Variants in DLGAP2 observed in about 807,000 individuals in gnomAD.
DLGAP2 encodes DLG associated protein 2, also known as disks large-associated protein 2.
DLGAP2 carries 26 observed loss-of-function variants against 100.3 expected under a neutral mutation model. The observed-to-expected ratio is 0.26, with a 90% CI of 0.19 to 0.36. The LOEUF is 0.36. Among genes scored for constraint, DLGAP2 ranks in the 10% least tolerant of loss-of-function variants. The pLI is 1.00. For synonymous variants in DLGAP2, 886 were observed against 630.1 expected (o/e 1.41, Z -6.08); for missense variants, 1,858 against 1,453.2 (o/e 1.28, Z -4.53).
At chr8:1,690,051 C>G (rs114170867) in intron 12 of DLGAP2, among the ~76,000 whole-genome samples, 2 of 152,180 alleles carry the variant, frequency 1.3e-5, no homozygotes, top group Non-Finnish European at 2.9e-5. Flanking sequence ...ACCATGCTGA[C>G]AGCAGACTCA....
At chr8:1,305,667 C>T (rs916920977) in intron 3 of DLGAP2, among the ~76,000 whole-genome samples, 1 of 152,196 alleles carries the variant, frequency 6.6e-6, no homozygotes, top group Non-Finnish European at 1.5e-5. Context: ...ATAAACACTG[C>T]AGGCCTCCAT....
rs770226269 is a variant in DLGAP2, at chr8:1,364,502, C to CA, written c.106+105619_106+105620insA. 3.0e-3 allele frequency among the ~76,000 whole-genome samples: 420 copies of CA among 141,612 alleles called. 4 individuals are homozygous for CA. The highest frequency in any genetic ancestry group is 0.011 in the African/African-American group (399 of 37,292). 92.9% of individuals were successfully genotyped at this position (141,612 alleles called of 152,430 possible). On this transcript the variant is annotated intron_variant, in intron 3 of 14. Coordinates refer to ENST00000637795, the MANE Select transcript of DLGAP2 (RefSeq NM_001346810.2). Reference sequence around the variant, plus strand: ...AGGCGGGCGCCGGTCATGGGAAGGGCGGGGGGGGTGCAGCGAAGCAGACAC... The same window carrying CA: ...AGGCGGGCGCCGGTCATGGGAAGGGCAGGGGGGGGTGCAGCGAAGCAGACAC...
At chr8:1,322,787 G>A (rs1227495122) in intron 3 of DLGAP2, among the ~76,000 whole-genome samples, 3 of 152,130 alleles carry the variant, frequency 2.0e-5, no homozygotes, top group Non-Finnish European at 4.4e-5. Flanking sequence ...CCTGCATCAG[G>A]GCCTTCTCTG....
Position 1,101,040 on chromosome 8 carries a change from G to A in DLGAP2, c.74-157811G>A, listed in dbSNP as rs546969341. On this transcript the variant is annotated intron_variant, in intron 2 of 14. Coordinates refer to ENST00000637795, the MANE Select transcript of DLGAP2 (RefSeq NM_001346810.2). ...GCTGGTCCCACGTGGGGTTTCTTCT[G>A]GGGTTCCTGGCGTTCACAAGCCCAC... is the stretch of plus-strand genomic sequence containing the variant. Among the ~76,000 whole-genome samples the A allele has an allele frequency of 6.6e-5, 10 of 152,314 alleles. No individual in the cohort carries two copies. The East Asian group carries it at 1.9e-3, about 29-fold the overall frequency.
intron 3 of DLGAP2, among the ~76,000 whole-genome samples, chr8:1,414,859 A>C (rs1216677472): frequency 6.6e-6 from 1 of 152,112 alleles, no homozygotes; most frequent in Admixed American, 6.5e-5. Flanking sequence ...AAGTACAAAA[A>C]TTAGCCAGGC....
intron 14 of DLGAP2, among the ~76,000 whole-genome samples, chr8:1,699,880 T>C (rs1799519124): frequency 6.6e-6 from 1 of 152,312 alleles, no homozygotes; most frequent in South Asian, 2.1e-4. Context: ...TCTCACAGGC[T>C]CACAGTTCAG....
In DLGAP2 at chr8:1,314,300, T is replaced by C. The variant is rs183979968; in HGVS notation, c.106+55417T>C. 2.2e-4 allele frequency among the ~76,000 whole-genome samples: 33 copies of C among 152,340 alleles called. 1 individual carries two copies. In the East Asian group the frequency reaches 6.2e-3, roughly 28 times the overall value. The stretch of plus-strand genomic sequence containing the variant: ...TGACCCTTATAAAGTAGAGGTTTTC[T>C]TTGCACCTGGAATTCCAACTTCACA... On this transcript the variant is annotated intron_variant, in intron 3 of 14. Coordinates refer to ENST00000637795, the MANE Select transcript of DLGAP2 (RefSeq NM_001346810.2).
chr8:981,554 G>T (rs7003366), intron 2 of DLGAP2, among the ~76,000 whole-genome samples: 1 of 152,044 alleles, frequency 6.6e-6, no homozygotes, highest in Non-Finnish European at 1.5e-5. Context: ...AGCGTACGAG[G>T]GTTCCAGTTT....
chr8:1,239,603 T>C (rs1162981679), intron 2 of DLGAP2, among the ~76,000 whole-genome samples: 13 of 76,960 alleles, frequency 1.7e-4, no homozygotes, highest in Non-Finnish European at 2.6e-4. Context: ...TATCACATGG[T>C]GCCGTGTCTA....
chr8:1,526,771 T>C (rs1800809321), intron 4 of DLGAP2, among the ~76,000 whole-genome samples: 2 of 152,202 alleles, frequency 1.3e-5, no homozygotes, highest in African/African-American at 4.8e-5. Flanking sequence ...GAGCTACGTC[T>C]ATCCCTGTTA....
chr8:1,478,370 T>A (rs942790684), intron 3 of DLGAP2, among the ~76,000 whole-genome samples: 3 of 152,218 alleles, frequency 2.0e-5, no homozygotes, highest in African/African-American at 7.2e-5. Context: ...GTGGTGTGTG[T>A]AGACATAGCA....
At chr8:1,529,777 AG>A (rs1800925682) in intron 4 of DLGAP2, among the ~76,000 whole-genome samples, 1 of 152,240 alleles carries the variant, frequency 6.6e-6, no homozygotes, top group Admixed American at 6.5e-5. Flanking sequence ...AGCGTTGGCC[AG>A]CTTGAGAAAT....
At chr8:919,887 T>A (rs145875761) in intron 2 of DLGAP2, among the ~76,000 whole-genome samples, 164 of 152,316 alleles carry the variant, frequency 1.1e-3, no homozygotes, top group African/African-American at 3.5e-3. Flanking sequence ...AAAATGGAAA[T>A]GTCTTTGAAA....
intron 2 of DLGAP2, among the ~76,000 whole-genome samples, chr8:1,159,815 G>C (rs563900419): frequency 6.6e-6 from 1 of 152,200 alleles, no homozygotes; most frequent in Non-Finnish European, 1.5e-5. Context: ...TTTATTGATT[G>C]ATTACCTGGA....
intron 3 of DLGAP2, among the ~76,000 whole-genome samples, chr8:1,461,090 G>T (rs1014877270): frequency 2.0e-5 from 3 of 151,484 alleles, no homozygotes; most frequent in Non-Finnish European, 4.4e-5. Context: ...TTGGGAGAAG[G>T]TGCTGCTGTC....
intron 2 of DLGAP2, among the ~76,000 whole-genome samples, chr8:1,175,929 A>G (rs898978923): frequency 1.3e-5 from 2 of 152,234 alleles, no homozygotes; most frequent in Admixed American, 6.5e-5. Context: ...CGGCTTTGCC[A>G]TCTGCAAAGT....
intron 3 of DLGAP2, among the ~76,000 whole-genome samples, chr8:1,332,503 T>G (rs1287413951): frequency 6.6e-6 from 1 of 152,022 alleles, no homozygotes; most frequent in Non-Finnish European, 1.5e-5. Context: ...ATCTGTGTAC[T>G]CATATCTGCA....
chr8:1,648,190 G>A (rs77251102), intron 8 of DLGAP2, among the ~76,000 whole-genome samples: 1 of 152,132 alleles, frequency 6.6e-6, no homozygotes, highest in Non-Finnish European at 1.5e-5. Flanking sequence ...TTGAGAGTTT[G>A]TCCTAACTTA....
chr8:1,694,461 G>C (rs1263004235), intron 13 of DLGAP2, among the ~76,000 whole-genome samples: 1 of 152,232 alleles, frequency 6.6e-6, no homozygotes, highest in Non-Finnish European at 1.5e-5. Context: ...ACGGACCGCG[G>C]GGGGCAGAGC....
Sources: gnomAD v4.1 joint callset for allele counts (sites outside exome capture counted in the v4.1 genomes callset) on GRCh38, gnomAD v4.1.1 for gene constraint, MANE v1.5 for transcripts, NCBI Gene and HGNC (gene_info 2026-07-23, HGNC 2026-07-21) for gene names.